LHX3: variants seen among roughly 807,000 people sequenced by gnomAD.
LHX3 encodes LIM homeobox 3, also known as LIM/homeobox protein Lhx3.
LHX3 carries 21 observed loss-of-function variants against 32.4 expected under a neutral mutation model. The observed-to-expected ratio is 0.65, with a 90% CI of 0.46 to 0.93. The LOEUF (loss-of-function observed/expected upper bound fraction) is 0.93, where lower values mean the gene tolerates loss of function less well. Ranked by LOEUF, LHX3 falls within the 40% of genes least tolerant of loss-of-function variation. The pLI is 0.00. For synonymous variants in LHX3, 258 were observed against 246.8 expected, an observed-to-expected ratio of 1.05 and a Z score of -0.43; for missense variants, 626 against 560.0, an observed-to-expected ratio of 1.12 and a Z score of -1.19.
chr9:136,203,371 C>T (rs1433790488), intron 1 of LHX3, among the ~76,000 whole-genome samples: 1 of 152,130 alleles, frequency 6.6e-6, no homozygotes, highest in Non-Finnish European at 1.5e-5. Context: ...GGGCCCAGGT[C>T]AGGGCTTCCC....
chr9:136,199,203 G>A (rs1831575985), intron 3 of LHX3, 144 bp from the exon 4 acceptor site: 1 of 444,936 alleles, frequency 2.2e-6, no homozygotes. Flanking sequence ...GAAGGCGCGG[G>A]CGCTGGGAGC....
intron 2 of LHX3, chr9:136,200,373 G>C: frequency 1.6e-6 from 1 of 611,012 alleles, no homozygotes; most frequent in Non-Finnish European, 2.9e-6. Flanking sequence ...TGATGTCCCA[G>C]CCAGGCCCAG....
At position 136,205,106 on chromosome 9, in the gene LHX3, GGGCAGGGAGCC is replaced by G. The variant is rs1489848382; in HGVS notation, c.-105_-95del. Reference sequence around the variant, plus strand: ...CTCCCAAGTCCCGCCGCGTCGTGCGGGGCAGGGAGCCCGGGAGCCACTGGGCCTGGCGCTGT... The same window carrying G: ...CTCCCAAGTCCCGCCGCGTCGTGCGGCGGGAGCCACTGGGCCTGGCGCTGT... On this transcript the variant is annotated 5_prime_UTR_variant, in exon 1 of 6. Coordinates refer to ENST00000371748, the MANE Select transcript of LHX3 (RefSeq NM_178138.6). The G allele has an allele frequency of 9.1e-7, 1 of 1,095,452 alleles. No individual in the cohort carries two copies. Among genetic ancestry groups the G allele is most frequent in the East Asian group, 2.8e-5 (1 of 35,516 alleles). 67.9% of individuals were successfully genotyped at this position (1,095,452 alleles called of 1,614,324 possible).
At chr9:136,201,905 C>T (rs1413839112) in intron 1 of LHX3, among the ~76,000 whole-genome samples, 1 of 152,096 alleles carries the variant, frequency 6.6e-6, no homozygotes, top group East Asian at 1.9e-4. Flanking sequence ...GCCGACACAG[C>T]GCGGATTCAG....
chr9:136,198,533 TAGAACTTAAGG>T, intron 5 of LHX3, 108 bp downstream of exon 5: 2 of 1,170,750 alleles, frequency 1.7e-6, no homozygotes, highest in Non-Finnish European at 2.4e-6. Context: ...CTTTTGAAAG[TAGAACTTAAGG>T]AGTCCACTAA....
chr9:136,200,245 A>G, intron 2 of LHX3: 1 of 542,764 alleles, frequency 1.8e-6, no homozygotes, highest in Non-Finnish European at 3.3e-6. Flanking sequence ...GAACTAAAAC[A>G]TCACCAATTT....
chr9:136,203,106 G>C, intron 1 of LHX3: 1 of 1,447,402 alleles, frequency 6.9e-7, no homozygotes, highest in Non-Finnish European at 9.0e-7. Flanking sequence ...ACGCCACCCC[G>C]CAATAGCCCC....
rs772487830 is a variant in LHX3 at position 136,198,764 on chromosome 9, C to T, written c.663G>A (p.Arg221=). ...KEKRLKKDAG[R]QRWGQYFRNM... is the part of the protein sequence containing the mutation. ...TGCGGAAATACTGCCCCCAGCGCTG[C>T]CGGCCGGCGTCCTTCTTCAGCCTCT... The change falls in exon 5 of 6, where the codon CGG becomes CGA. Residue 221 remains arginine, a synonymous_variant. Transcript: ENST00000371748. 9 of 1,611,310 alleles carry T rather than the reference C, an allele frequency of 5.6e-6. No individual in the cohort carries two copies. The South Asian group carries it at 6.6e-5, about 12-fold the overall frequency.
chr9:136,198,818 A>C lies in LHX3; in HGVS notation c.609T>G (p.Val203=). 1 of 1,606,350 alleles carries C rather than the reference A, an allele frequency of 6.2e-7. No individual in the cohort carries two copies. The highest frequency in any genetic ancestry group is 8.5e-7 in the Non-Finnish European group (1 of 1,177,744). ...CCTTGGCCCGGCGGTTCTGGAACCAAACCTGGGGGCGGGGCGGGGTGAGCG... is the reference window on the plus strand; with the variant it reads ...CCTTGGCCCGGCGGTTCTGGAACCACACCTGGGGGCGGGGCGGGGTGAGCG... ...ETGLDMRVVQ[V]WFQNRRAKEK... is the part of the protein sequence containing the mutation. The change falls in exon 5 of 6, where the codon GTT becomes GTG. Residue 203 remains valine, a splice_region_variant and synonymous_variant. Transcript: ENST00000371748.
chr9:136,197,236 C>A lies in LHX3; in HGVS notation c.*89G>T, dbSNP rs939887545. Reference sequence around the variant, plus strand: ...CACCAGCCCTCCCTTGACGCCCTGGCCCCACTTCCTCGGAAACCCCAGCAG... The same window carrying A: ...CACCAGCCCTCCCTTGACGCCCTGGACCCACTTCCTCGGAAACCCCAGCAG... On this transcript the variant is annotated 3_prime_UTR_variant, in exon 6 of 6. Coordinates refer to ENST00000371748, the MANE Select transcript of LHX3 (RefSeq NM_178138.6). The A allele has an allele frequency of 5.7e-6, 8 of 1,399,842 alleles. No homozygotes were observed. The highest frequency in any genetic ancestry group is 2.4e-5 in the East Asian group (1 of 42,026). The allele number at this position is 1,399,842 out of a possible 1,614,324, so 86.7% of individuals were successfully genotyped here. A position where few individuals can be genotyped will look rare whatever the true frequency, so the allele number is the denominator to read the frequency against.
At chr9:136,204,556 G>A (rs1263438161) in intron 1 of LHX3, among the ~76,000 whole-genome samples, 2 of 152,164 alleles carry the variant, frequency 1.3e-5, no homozygotes, top group Non-Finnish European at 2.9e-5. Context: ...TGGTTCAGGC[G>A]GGAGACACAG....
intron 5 of LHX3, 77 bp downstream of exon 5, chr9:136,198,575 C>G (rs1831549718): frequency 6.1e-6 from 9 of 1,466,390 alleles, no homozygotes; most frequent in South Asian, 2.4e-5. Flanking sequence ...AATTCAGATC[C>G]GCGGGCTCCC....
rs543916754 is a variant in LHX3, at chr9:136,200,437, G to A, written c.251+145C>T. 10 of 961,646 alleles carry A rather than the reference G, an allele frequency of 1.0e-5. No individual in the cohort carries two copies. In the South Asian group the frequency reaches 1.5e-4, roughly 14 times the overall value. The allele number at this position is 961,646 out of a possible 1,614,324, so 59.6% of individuals were successfully genotyped here. A position where few individuals can be genotyped will look rare whatever the true frequency, so the allele number is the denominator to read the frequency against. ...CCACCCTTAATTTGGCCAGGCCACAGGGTGCCCTGCCTGGGTGACAGGAGT... is the reference window on the plus strand; with the variant it reads ...CCACCCTTAATTTGGCCAGGCCACAAGGTGCCCTGCCTGGGTGACAGGAGT... On this transcript the variant is annotated intron_variant, in intron 2 of 5. Transcript: ENST00000371748.
At chr9:136,198,885 G>C in intron 4 of LHX3, 23 bp downstream of exon 4, 1 of 1,589,646 alleles carries the variant, frequency 6.3e-7, no homozygotes, top group Non-Finnish European at 8.5e-7. Context: ...GCGGGCGGGA[G>C]GGAAGCAGGG....
intron 5 of LHX3, among the ~76,000 whole-genome samples, chr9:136,198,316 C>G (rs548104701): frequency 5.8e-4 from 88 of 152,328 alleles, no homozygotes; most frequent in African/African-American, 1.4e-3. Flanking sequence ...AAATGCACTG[C>G]CCATTCTCCT....
rs1461866410 is a variant in LHX3, at chr9:136,197,286, G to C, written c.*39C>G. 6.2e-7 allele frequency: 1 copy of C among 1,606,574 alleles called. No individual in the cohort carries two copies. The highest frequency in any genetic ancestry group is 1.7e-5 in the Admixed American group (1 of 59,934). ...GCCCCGAGCCGCCCACCCAGGGGCA[G>C]CTCCCTCGTGTGAGGTGCAGGGTGG... On this transcript the variant is annotated 3_prime_UTR_variant, in exon 6 of 6. Coordinates refer to ENST00000371748, the MANE Select transcript of LHX3 (RefSeq NM_178138.6).
At chr9:136,198,516 T>C (rs1001777297) in intron 5 of LHX3, 136 bp downstream of exon 5, 13 of 1,046,066 alleles carry the variant, frequency 1.2e-5, no homozygotes, top group Middle Eastern at 6.1e-4. Context: ...GTTCTGTAAG[T>C]GAAATGCTTT....
intron 1 of LHX3, among the ~76,000 whole-genome samples, chr9:136,202,087 G>A (rs1831653331): frequency 6.6e-6 from 1 of 152,080 alleles, no homozygotes; most frequent in Non-Finnish European, 1.5e-5. Flanking sequence ...GCGGAGCCTG[G>A]ACGCCAGCCC....
chr9:136,204,381 G>A (rs563323230), intron 1 of LHX3, among the ~76,000 whole-genome samples: 2 of 151,280 alleles, frequency 1.3e-5, no homozygotes, highest in East Asian at 3.9e-4. Flanking sequence ...AGGTGGCTGA[G>A]TGTCAGCTGC....
Sources: allele counts gnomAD v4.1 joint callset (sites outside exome capture counted in the v4.1 genomes callset), GRCh38; gene constraint gnomAD v4.1.1; transcripts MANE v1.5; gene names NCBI Gene and HGNC (gene_info 2026-07-23, HGNC 2026-07-21).